The following GAREM1 variants were observed in gnomAD, a reference collection of about 807,000 sequenced individuals.
The protein encoded by GAREM1 is GRB2-associated and regulator of MAPK protein 1.
A neutral mutation model predicts 71.3 loss-of-function variants in GAREM1; 26 were observed. The ratio of observed to expected loss-of-function variants is 0.36; its 90% CI spans 0.27 to 0.51. GAREM1 has a LOEUF of 0.51. GAREM1 is among the 20% of genes least tolerant of loss of function. GAREM1 has a pLI of 0.95. For synonymous variants in GAREM1, 440 were observed against 433.2 expected, an observed-to-expected ratio of 1.02 and a Z score of -0.20; for missense variants, 1,026 against 1,103.1, an observed-to-expected ratio of 0.93 and a Z score of 0.99.
In GAREM1 at chr18:32,470,859, A is replaced by G. The variant is rs1447788773; in HGVS notation, c.-431T>C. 1.3e-5 allele frequency among the ~76,000 whole-genome samples: 2 copies of G among 150,508 alleles called. No homozygotes were observed. The highest frequency in any genetic ancestry group is 3.0e-5 in the Non-Finnish European group (2 of 67,484). ...AGGAGCCGCGGGTCTGAGAAACGCCATAGCAGCGCTCCCAGCACTGACTAA... is the reference window on the plus strand; with the variant it reads ...AGGAGCCGCGGGTCTGAGAAACGCCGTAGCAGCGCTCCCAGCACTGACTAA... On this transcript the variant is annotated 5_prime_UTR_variant, in exon 1 of 6. The change abolishes an upstream ATG in the 5' untranslated region. Coordinates refer to ENST00000269209, the MANE Select transcript of GAREM1 (RefSeq NM_001242409.2). This position sits in a 1 kb window ranked among gnomAD's most constrained non-coding sequence, Gnocchi z 4.4.
chr18:32,405,200 C>CT (rs929480602), intron 1 of GAREM1, among the ~76,000 whole-genome samples: 14 of 149,402 alleles, frequency 9.4e-5, no homozygotes, highest in Non-Finnish European at 1.6e-4. Flanking sequence ...TTTTTTTTTT[C>CT]TTTTTTTTGT....
intron 1 of GAREM1, among the ~76,000 whole-genome samples, chr18:32,420,686 G>A (rs888551771): frequency 7.3e-5 from 11 of 151,378 alleles, no homozygotes; most frequent in Admixed American, 2.0e-4. Flanking sequence ...CAAGGCAGGC[G>A]GACAGCTTGA....
chr18:32,417,354 A>G (rs1225073650), intron 1 of GAREM1, among the ~76,000 whole-genome samples: 1 of 152,196 alleles, frequency 6.6e-6, no homozygotes, highest in African/African-American at 2.4e-5. Flanking sequence ...ATGATCCAGC[A>G]ATCCCACTGC....
At chr18:32,394,485 A>G (rs1360350739) in intron 1 of GAREM1, among the ~76,000 whole-genome samples, 1 of 152,120 alleles carries the variant, frequency 6.6e-6, no homozygotes, top group Non-Finnish European at 1.5e-5. Flanking sequence ...CAAAGAGTTA[A>G]AAAACTTTAT....
In GAREM1 at chr18:32,264,669, T is replaced by C. The variant is rs1296821553; in HGVS notation, c.*3202A>G. Reference sequence around the variant, plus strand: ...CATAAACTGCAATGATATATGTGGGTTGAAAGAATGTAAGTAAATTTCACA... The same window carrying C: ...CATAAACTGCAATGATATATGTGGGCTGAAAGAATGTAAGTAAATTTCACA... On this transcript the variant is annotated 3_prime_UTR_variant, in exon 6 of 6. Coordinates refer to ENST00000269209, the MANE Select transcript of GAREM1 (RefSeq NM_001242409.2). The C allele has an allele frequency of 6.6e-6, 1 of 152,202 alleles. No homozygotes were observed. Among genetic ancestry groups the C allele is most frequent in the African/African-American group, 2.4e-5 (1 of 41,448 alleles). The allele number at this position is 152,202 out of a possible 1,614,324, so 9.4% of individuals were successfully genotyped here. A position where few individuals can be genotyped will look rare whatever the true frequency, so the allele number is the denominator to read the frequency against.
intron 1 of GAREM1, among the ~76,000 whole-genome samples, chr18:32,397,639 T>C (rs146256688): frequency 0.087 from 13,271 of 152,144 alleles, 653 homozygotes; most frequent in African/African-American, 0.13. Context: ...ACAGGAGCAC[T>C]CAGATTCATA....
chr18:32,380,776 T>C (rs1374932742), intron 2 of GAREM1, among the ~76,000 whole-genome samples: 2 of 152,070 alleles, frequency 1.3e-5, no homozygotes, highest in Non-Finnish European at 2.9e-5. Flanking sequence ...TGTCTCTAGA[T>C]GGCGCTGGGG....
intron 1 of GAREM1, among the ~76,000 whole-genome samples, chr18:32,458,038 A>G (rs1386509401): frequency 6.6e-6 from 1 of 152,132 alleles, no homozygotes; most frequent in African/African-American, 2.4e-5. Flanking sequence ...AATTTCTATT[A>G]TTTATTCACT....
chr18:32,469,905 G>C (rs1174704492), intron 1 of GAREM1, among the ~76,000 whole-genome samples: 1 of 152,090 alleles, frequency 6.6e-6, no homozygotes, highest in Non-Finnish European at 1.5e-5. Flanking sequence ...ATAGGGAGGA[G>C]AGCACCCAAA....
chr18:32,269,672 T>C (rs1439459983), intron 5 of GAREM1, among the ~76,000 whole-genome samples: 1 of 152,198 alleles, frequency 6.6e-6, no homozygotes, highest in African/African-American at 2.4e-5. Context: ...GGTGTTTTTT[T>C]TTAAGTATTG....
chr18:32,307,886 G>A (rs978206336), intron 3 of GAREM1, among the ~76,000 whole-genome samples: 7 of 152,070 alleles, frequency 4.6e-5, no homozygotes, highest in African/African-American at 1.4e-4. Context: ...TGGTCCAGGT[G>A]GTATCCAGAC....
At chr18:32,412,258 C>T (rs568472992) in intron 1 of GAREM1, 63 of 1,572,638 alleles carry the variant, frequency 4.0e-5, no homozygotes, top group Admixed American at 1.5e-4. Context: ...CTGCTGGAAC[C>T]GCCATAGCCA....
At chr18:32,309,044 C>T (rs1185596430) in intron 3 of GAREM1, among the ~76,000 whole-genome samples, 1 of 150,174 alleles carries the variant, frequency 6.7e-6, no homozygotes, top group African/African-American at 2.5e-5. Flanking sequence ...TTCTAAGAAA[C>T]AGGAATCTTG....
intron 2 of GAREM1, among the ~76,000 whole-genome samples, chr18:32,332,359 C>A (rs996666566): frequency 1.3e-5 from 2 of 151,956 alleles, no homozygotes; most frequent in African/African-American, 4.8e-5. Context: ...ATGTAACACA[C>A]CAGAGACGCA....
At chr18:32,296,707 G>GTT (rs547556975) in intron 3 of GAREM1, among the ~76,000 whole-genome samples, 73 of 139,974 alleles carry the variant, frequency 5.2e-4, no homozygotes, top group South Asian at 9.2e-4. Context: ...TTTCTTGGCA[G>GTT]TTTTTTTTTT....
chr18:32,463,579 T>C (rs1162760848), intron 1 of GAREM1, among the ~76,000 whole-genome samples: 1 of 151,106 alleles, frequency 6.6e-6, no homozygotes, highest in African/African-American at 2.4e-5. Flanking sequence ...TTTTTTTTTT[T>C]TTTTTTTTGA....
chr18:32,412,485 C>G (rs2048429768), intron 1 of GAREM1: 1 of 1,594,750 alleles, frequency 6.3e-7, no homozygotes, highest in East Asian at 2.2e-5. Flanking sequence ...ACCAGCACGG[C>G]TGCCACCAAA....
At chr18:32,369,692 A>C (rs984590026) in intron 2 of GAREM1, among the ~76,000 whole-genome samples, 10 of 152,148 alleles carry the variant, frequency 6.6e-5, no homozygotes, top group African/African-American at 2.4e-4. Flanking sequence ...ACATTTCTTT[A>C]ATTTCTTCCT....
intron 1 of GAREM1, among the ~76,000 whole-genome samples, chr18:32,428,735 T>C (rs557797632): frequency 3.3e-5 from 5 of 152,296 alleles, no homozygotes; most frequent in Admixed American, 2.6e-4. Flanking sequence ...AATGTCACTC[T>C]TACCCCCAGA....
Sources: gnomAD v4.1 joint callset for allele counts (sites outside exome capture counted in the v4.1 genomes callset) on GRCh38, gnomAD v4.1.1 for gene constraint, Gnocchi (gnomAD v3.1) non-coding constraint, MANE v1.5 for transcripts, NCBI Gene and HGNC (gene_info 2026-07-23, HGNC 2026-07-21) for gene names.